KHDRBS2: variants seen among roughly 807,000 people sequenced by gnomAD.
The protein encoded by KHDRBS2 is KH RNA binding domain containing, signal transduction associated 2, also known as KH domain-containing, RNA-binding, signal transduction-associated protein 2.
In KHDRBS2, 26 loss-of-function variants were observed where a neutral mutation model predicts 44.3. That is an observed-to-expected ratio of 0.59 (90% CI 0.43 to 0.81). The LOEUF is 0.81. KHDRBS2 is among the 40% of genes least tolerant of loss of function. The pLI, the probability that KHDRBS2 is intolerant of heterozygous loss-of-function variation, is 0.00. For synonymous variants in KHDRBS2, 194 were observed against 151.1 expected (o/e 1.28, Z -2.08); for missense variants, 476 against 433.1 (o/e 1.10, Z -0.88).
chr6:61,931,049 TC>T (rs1809945630), intron 4 of KHDRBS2, among the ~76,000 whole-genome samples: 1 of 152,006 alleles, frequency 6.6e-6, no homozygotes, highest in African/African-American at 2.4e-5. Context: ...ATAATGTGAA[TC>T]AACAAAAAAT....
At chr6:61,559,517 A>G in the KHDRBS2 span, among the ~76,000 whole-genome samples, 1 of 152,140 alleles carries the variant, frequency 6.6e-6, no homozygotes, top group Non-Finnish European at 1.5e-5. Context: ...ATTTTAAAGA[A>G]GGTAATTTTC....
intron 6 of KHDRBS2, among the ~76,000 whole-genome samples, chr6:61,741,740 T>A (rs958787866): frequency 1.3e-5 from 2 of 151,952 alleles, no homozygotes; most frequent in African/African-American, 4.8e-5. Context: ...GACATGTTTT[T>A]GTCAACTAAA....
chr6:61,618,251 A>G, the KHDRBS2 span, among the ~76,000 whole-genome samples: 89,850 of 151,982 alleles, frequency 0.59, 26,778 homozygotes, highest in African/African-American at 0.61. Flanking sequence ...TTGGGAAATG[A>G]CTGTCTTTTC....
Position 61,772,479 on chromosome 6 carries a change from A to C in KHDRBS2, c.811-39715T>G, listed in dbSNP as rs367879723. ...GACACAATAAAAAATGACAAAGGGGATATCACCACCGATCCCACAGAAATA... is the reference window on the plus strand; with the variant it reads ...GACACAATAAAAAATGACAAAGGGGCTATCACCACCGATCCCACAGAAATA... On this transcript the variant is annotated intron_variant, in intron 6 of 8. Transcript: ENST00000281156. 2.6e-5 allele frequency among the ~76,000 whole-genome samples: 4 copies of C among 152,290 alleles called. No homozygotes were observed. The East Asian group carries it at 5.8e-4, about 22-fold the overall frequency.
At chr6:62,034,713 A>AAAT (rs1291808095) in intron 3 of KHDRBS2, among the ~76,000 whole-genome samples, 1 of 151,236 alleles carries the variant, frequency 6.6e-6, no homozygotes, top group East Asian at 1.9e-4. Context: ...AAAAAAAAAA[A>AAAT]AAACCTTTCT....
intron 1 of KHDRBS2, among the ~76,000 whole-genome samples, chr6:62,233,745 T>A (rs1310686284): frequency 6.6e-6 from 1 of 152,124 alleles, no homozygotes; most frequent in Non-Finnish European, 1.5e-5. Flanking sequence ...TGGTATTTGG[T>A]TTTCTGTTCC....
At position 61,790,623 on chromosome 6, in the gene KHDRBS2, T is replaced by C. The variant is rs1784497210; in HGVS notation, c.811-57859A>G. On this transcript the variant is annotated intron_variant, in intron 6 of 8. Coordinates refer to ENST00000281156, the MANE Select transcript of KHDRBS2 (RefSeq NM_152688.4). ...ACTAAATCACCTTGTGTTCTTGGGA[T>C]AAATCTAACTTTTACATGATATATT... 1.3e-5 allele frequency among the ~76,000 whole-genome samples: 2 copies of C among 151,570 alleles called. 1 individual carries two copies. Among genetic ancestry groups the C allele is most frequent in the South Asian group, 4.1e-4 (2 of 4,830 alleles).
intron 6 of KHDRBS2, among the ~76,000 whole-genome samples, chr6:61,891,576 G>T (rs1312030171): frequency 6.6e-6 from 1 of 151,930 alleles, no homozygotes; most frequent in African/African-American, 2.4e-5. Flanking sequence ...ACTGTTTTTG[G>T]GATGCAAGAC....
At chr6:62,077,813 T>G (rs1796633011) in intron 2 of KHDRBS2, among the ~76,000 whole-genome samples, 1 of 151,994 alleles carries the variant, frequency 6.6e-6, no homozygotes, top group Non-Finnish European at 1.5e-5. Flanking sequence ...AGGAAAGAAT[T>G]AATTGATAAA....
chr6:61,687,184 T>C (rs1204121), intron 8 of KHDRBS2, among the ~76,000 whole-genome samples: 93,667 of 151,526 alleles, frequency 0.62, 30,040 homozygotes, highest in Non-Finnish European at 0.7. Flanking sequence ...CAGATGAACA[T>C]GGTGCATTAT....
chr6:61,636,799 A>T, the KHDRBS2 span, among the ~76,000 whole-genome samples: 1 of 152,032 alleles, frequency 6.6e-6, no homozygotes, highest in Non-Finnish European at 1.5e-5. Flanking sequence ...TTCTATATGT[A>T]TGTGTTAATC....
chr6:62,105,254 G>T (rs1028046300), intron 2 of KHDRBS2, among the ~76,000 whole-genome samples: 5 of 152,124 alleles, frequency 3.3e-5, no homozygotes, highest in Non-Finnish European at 7.4e-5. Context: ...AGTAGGGCAA[G>T]AAACACCCAT....
chr6:62,106,818 A>G (rs1021317634), intron 2 of KHDRBS2, among the ~76,000 whole-genome samples: 6 of 152,158 alleles, frequency 3.9e-5, no homozygotes, highest in Non-Finnish European at 8.8e-5. Context: ...AATCCAGCAT[A>G]TAAACAGAAC....
chr6:61,587,419 G>A, the KHDRBS2 span, among the ~76,000 whole-genome samples: 1 of 152,046 alleles, frequency 6.6e-6, no homozygotes, highest in Non-Finnish European at 1.5e-5. Flanking sequence ...TACTGTGAGA[G>A]CACATTTCCA....
chr6:61,614,586 G>A, the KHDRBS2 span, among the ~76,000 whole-genome samples: 3 of 152,060 alleles, frequency 2.0e-5, no homozygotes, highest in East Asian at 5.8e-4. Context: ...GACCATTAAT[G>A]ACATTCTGGT....
chr6:61,918,331 CTA>C (rs1807405787), intron 4 of KHDRBS2, among the ~76,000 whole-genome samples: 1 of 151,886 alleles, frequency 6.6e-6, no homozygotes, highest in Admixed American at 6.6e-5. Context: ...TTATAAGGGA[CTA>C]TGCTATTGGC....
chr6:61,806,302 G>A (rs2127591227), intron 6 of KHDRBS2, among the ~76,000 whole-genome samples: 1 of 152,264 alleles, frequency 6.6e-6, no homozygotes, highest in Admixed American at 6.5e-5. Context: ...AAAGCAGCCT[G>A]ATATCCTTGG....
intron 6 of KHDRBS2, among the ~76,000 whole-genome samples, chr6:61,798,561 T>G (rs1785754309): frequency 6.6e-6 from 1 of 152,130 alleles, no homozygotes; most frequent in Non-Finnish European, 1.5e-5. Context: ...TACAGTAATC[T>G]ATAAAAGATG....
chr6:62,236,770 A>G (rs1833775633), intron 1 of KHDRBS2, among the ~76,000 whole-genome samples: 1 of 152,160 alleles, frequency 6.6e-6, no homozygotes, highest in African/African-American at 2.4e-5. Flanking sequence ...ATTGTTAGGT[A>G]TATTTCTATA....
Sources: gnomAD v4.1 joint callset for allele counts (sites outside exome capture counted in the v4.1 genomes callset) on GRCh38, gnomAD v4.1.1 for gene constraint, MANE v1.5 for transcripts, NCBI Gene and HGNC (gene_info 2026-07-23, HGNC 2026-07-21) for gene names.